Variants in LRRTM4 observed in about 807,000 individuals in gnomAD.
The protein encoded by LRRTM4 is leucine rich repeat transmembrane neuronal 4, also known as leucine-rich repeat transmembrane neuronal protein 4.
In LRRTM4, 25 loss-of-function variants were observed where a neutral mutation model predicts 47.6. The observed-to-expected ratio is 0.53, with a 90% confidence interval of 0.38 to 0.73. The LOEUF (loss-of-function observed/expected upper bound fraction) is 0.73. Among genes scored for constraint, LRRTM4 ranks in the 30% least tolerant of loss-of-function variants. The pLI is 0.00. For synonymous variants in LRRTM4, 311 were observed against 269.5 expected, an observed-to-expected ratio of 1.15 and a Z score of -1.51; for missense variants, 638 against 713.4, an observed-to-expected ratio of 0.89 and a Z score of 1.20.
chr2:76,789,690 T>A (rs755761172), intron 3 of LRRTM4, among the ~76,000 whole-genome samples: 29 of 152,160 alleles, frequency 1.9e-4, no homozygotes, highest in Non-Finnish European at 3.8e-4. Context: ...GGAAAGACTC[T>A]GTATCATGAG....
At chr2:76,880,104 T>G (rs1244641316) in intron 3 of LRRTM4, among the ~76,000 whole-genome samples, 1 of 152,170 alleles carries the variant, frequency 6.6e-6, no homozygotes, top group African/African-American at 2.4e-5. Context: ...ACAAAGGACA[T>G]GGAATATCAC....
chr2:77,105,961 T>C (rs1302243712), intron 3 of LRRTM4, among the ~76,000 whole-genome samples: 5 of 152,284 alleles, frequency 3.3e-5, no homozygotes, highest in African/African-American at 9.6e-5. Context: ...TGAAACAACT[T>C]TCTCCATGAA....
chr2:77,260,496 C>G (rs1352864676), intron 3 of LRRTM4, among the ~76,000 whole-genome samples: 1 of 150,908 alleles, frequency 6.6e-6, no homozygotes, highest in Admixed American at 6.6e-5. Context: ...ATTTAGATAC[C>G]AAACCACTCC....
At chr2:77,449,851 C>T (rs766284487) in intron 3 of LRRTM4, among the ~76,000 whole-genome samples, 4 of 152,166 alleles carry the variant, frequency 2.6e-5, no homozygotes, top group Non-Finnish European at 4.4e-5. Flanking sequence ...CCTCAATTCC[C>T]GTCTCTCCAG....
chr2:77,085,218 T>C (rs1159086288), intron 3 of LRRTM4, among the ~76,000 whole-genome samples: 1 of 152,056 alleles, frequency 6.6e-6, no homozygotes, highest in East Asian at 1.9e-4. Context: ...TCATTTTATA[T>C]ATATGGTAAA....
intron 3 of LRRTM4, among the ~76,000 whole-genome samples, chr2:77,236,148 T>G (rs1003807748): frequency 2.0e-5 from 3 of 152,182 alleles, no homozygotes; most frequent in African/African-American, 7.2e-5. Context: ...TTCTAATCCA[T>G]GAACATGGAA....
chr2:76,843,013 T>C (rs1428399633), intron 3 of LRRTM4, among the ~76,000 whole-genome samples: 2 of 152,236 alleles, frequency 1.3e-5, no homozygotes, highest in African/African-American at 4.8e-5. Flanking sequence ...TGGTCAGTTA[T>C]GCTTTGAAAT....
chr2:76,808,266 C>T (rs1035628955), intron 3 of LRRTM4, among the ~76,000 whole-genome samples: 1 of 152,094 alleles, frequency 6.6e-6, no homozygotes, highest in Non-Finnish European at 1.5e-5. Context: ...GATCCGCCTG[C>T]CTTGACCTCC....
At chr2:77,103,004 A>G (rs1670997013) in intron 3 of LRRTM4, among the ~76,000 whole-genome samples, 1 of 152,200 alleles carries the variant, frequency 6.6e-6, no homozygotes, top group African/African-American at 2.4e-5. Context: ...GAAGTTTGCC[A>G]AAATGGTAGA....
At chr2:77,109,951 C>T (rs1671205066) in intron 3 of LRRTM4, among the ~76,000 whole-genome samples, 1 of 151,640 alleles carries the variant, frequency 6.6e-6, no homozygotes, top group Non-Finnish European at 1.5e-5. Flanking sequence ...GCAGCACAAT[C>T]AGCTGAAGAG....
intron 3 of LRRTM4, among the ~76,000 whole-genome samples, chr2:77,412,030 A>G (rs1007479369): frequency 1.3e-5 from 2 of 152,118 alleles, no homozygotes; most frequent in African/African-American, 2.4e-5. Flanking sequence ...CCAGTCCCCC[A>G]TAAGTACAAC....
chr2:76,857,320 A>AAT (rs1300405169), intron 3 of LRRTM4, among the ~76,000 whole-genome samples: 6 of 147,966 alleles, frequency 4.1e-5, no homozygotes. Context: ...ATATATATAT[A>AAT]ATATATATAT....
intron 3 of LRRTM4, among the ~76,000 whole-genome samples, chr2:77,465,444 AGTGAATTTATAACG>A (rs1676947572): frequency 6.6e-6 from 1 of 152,270 alleles, no homozygotes; most frequent in East Asian, 1.9e-4. Flanking sequence ...TAGGGAGAAA[AGTGAATTTATAACG>A]TCACAGCTGT....
At chr2:77,052,981 T>TA (rs796544033) in intron 3 of LRRTM4, among the ~76,000 whole-genome samples, 5,150 of 143,654 alleles carry the variant, frequency 0.036, 285 homozygotes, top group African/African-American at 0.12. Context: ...GGAGAAAGGC[T>TA]AAAAAAAAAA....
intron 3 of LRRTM4, among the ~76,000 whole-genome samples, chr2:77,274,909 G>A (rs1676300717): frequency 6.6e-6 from 1 of 152,122 alleles, no homozygotes; most frequent in South Asian, 2.1e-4. Context: ...CCCTCATTGT[G>A]AATGGGTTCC....
intron 3 of LRRTM4, among the ~76,000 whole-genome samples, chr2:77,041,436 T>C (rs1679029199): frequency 6.6e-6 from 1 of 151,516 alleles, no homozygotes. Flanking sequence ...ATATACCTAC[T>C]AGTGAGACAG....
At chr2:76,956,651 T>C (rs569239760) in intron 3 of LRRTM4, among the ~76,000 whole-genome samples, 65 of 150,872 alleles carry the variant, frequency 4.3e-4, no homozygotes, top group African/African-American at 1.3e-3. Context: ...AAAATATTAA[T>C]AAAATTAAGG....
At chr2:77,375,721 T>C (rs990250239) in intron 3 of LRRTM4, among the ~76,000 whole-genome samples, 1 of 151,920 alleles carries the variant, frequency 6.6e-6, no homozygotes, top group South Asian at 2.1e-4. Flanking sequence ...ACATCCAGCA[T>C]AATGTCATCC....
intron 3 of LRRTM4, among the ~76,000 whole-genome samples, chr2:77,469,442 C>CAA (rs5832282): frequency 6.6e-6 from 1 of 152,112 alleles, no homozygotes. Context: ...CTAATGTACT[C>CAA]AAAAATAAGC....
Sources: gnomAD v4.1 joint callset for allele counts (sites outside exome capture counted in the v4.1 genomes callset) on GRCh38, gnomAD v4.1.1 for gene constraint, MANE v1.5 for transcripts, NCBI Gene and HGNC (gene_info 2026-07-23, HGNC 2026-07-21) for gene names.